MGMT: variants seen among roughly 807,000 people sequenced by gnomAD.
MGMT encodes O-6-methylguanine-DNA methyltransferase, also known as methylated-DNA--protein-cysteine methyltransferase.
Under a neutral mutation model 15.9 loss-of-function variants are expected in MGMT, and 14 were observed. The ratio of observed to expected loss-of-function variants is 0.88; its 90% CI spans 0.58 to 1.37. The LOEUF (loss-of-function observed/expected upper bound fraction) is 1.37. MGMT is among the 40% of genes most tolerant of loss of function. The probability of loss-of-function intolerance (pLI) is 0.00; values close to 1 mark genes in which losing one functional copy is unlikely to be tolerated. For synonymous variants in MGMT, 130 were observed against 118.2 expected (o/e 1.10, Z -0.65); for missense variants, 282 against 268.1 (o/e 1.05, Z -0.36).
chr10:129,470,400 T>G (rs1845216971), intron 1 of MGMT, among the ~76,000 whole-genome samples: 1 of 152,198 alleles, frequency 6.6e-6, no homozygotes, highest in Non-Finnish European at 1.5e-5. Context: ...TTAAAAAAAT[T>G]AACAGTACAG....
intron 1 of MGMT, among the ~76,000 whole-genome samples, chr10:129,509,079 T>C (rs548152352): frequency 4.7e-4 from 71 of 152,346 alleles, no homozygotes; most frequent in Admixed American, 1.0e-3. Context: ...AGTTGCGTCA[T>C]TTCCGGGTGA....
intron 3 of MGMT, among the ~76,000 whole-genome samples, chr10:129,757,700 A>C (rs1589978864): frequency 6.6e-6 from 1 of 152,320 alleles, no homozygotes; most frequent in Admixed American, 6.5e-5. Flanking sequence ...TGATTTCAAA[A>C]CGTTTTCTGA....
intron 3 of MGMT, among the ~76,000 whole-genome samples, chr10:129,743,767 C>T (rs963047973): frequency 1.3e-5 from 2 of 152,230 alleles, no homozygotes; most frequent in African/African-American, 4.8e-5. Context: ...TATTCCATAG[C>T]CGCTGTGTCA....
chr10:129,624,781 G>T (rs997132306), intron 2 of MGMT, among the ~76,000 whole-genome samples: 1 of 152,170 alleles, frequency 6.6e-6, no homozygotes. Context: ...GTGGGAACAT[G>T]GTGTGCAACC....
chr10:129,570,154 G>C (rs991508171), intron 2 of MGMT, among the ~76,000 whole-genome samples: 1 of 152,214 alleles, frequency 6.6e-6, no homozygotes, highest in Non-Finnish European at 1.5e-5. Flanking sequence ...CACTGACATT[G>C]GTCTTATTCT....
At chr10:129,717,255 A>G (rs747590560) in intron 3 of MGMT, among the ~76,000 whole-genome samples, 12 of 152,210 alleles carry the variant, frequency 7.9e-5, no homozygotes, top group Non-Finnish European at 4.4e-5. Flanking sequence ...TCTAATTTGA[A>G]ATCTTTGGGG....
intron 2 of MGMT, among the ~76,000 whole-genome samples, chr10:129,565,045 A>AC (rs1382083622): frequency 2.0e-5 from 3 of 152,212 alleles, no homozygotes; most frequent in African/African-American, 7.2e-5. Flanking sequence ...TGACTTTGCG[A>AC]CACGCACATT....
At chr10:129,569,629 C>T (rs1846394762) in intron 2 of MGMT, among the ~76,000 whole-genome samples, 1 of 152,152 alleles carries the variant, frequency 6.6e-6, no homozygotes, top group Non-Finnish European at 1.5e-5. Context: ...GGGACCATGA[C>T]TGTGGGCCAG....
chr10:129,664,707 T>A (rs1164466448), intron 2 of MGMT, among the ~76,000 whole-genome samples: 1 of 152,062 alleles, frequency 6.6e-6, no homozygotes, highest in Non-Finnish European at 1.5e-5. Flanking sequence ...AGAAGAATGA[T>A]AAGCAGGATG....
At chr10:129,652,068 C>T (rs974221057) in intron 2 of MGMT, among the ~76,000 whole-genome samples, 1 of 152,120 alleles carries the variant, frequency 6.6e-6, no homozygotes, top group East Asian at 1.9e-4. Context: ...TGTCGGAAGC[C>T]GGGGTTTGTG....
chr10:129,599,827 C>T (rs1205413572), intron 2 of MGMT, among the ~76,000 whole-genome samples: 10 of 152,188 alleles, frequency 6.6e-5, no homozygotes, highest in Non-Finnish European at 7.3e-5. Context: ...ACCATCCTTT[C>T]TTCACCAGGG....
chr10:129,622,571 C>G (rs1847102370), intron 2 of MGMT, among the ~76,000 whole-genome samples: 1 of 152,234 alleles, frequency 6.6e-6, no homozygotes, highest in South Asian at 2.1e-4. Context: ...GTATGGTTAA[C>G]TATCAGCAGA....
At chr10:129,615,083 G>A (rs1847007776) in intron 2 of MGMT, among the ~76,000 whole-genome samples, 1 of 152,152 alleles carries the variant, frequency 6.6e-6, no homozygotes, top group Non-Finnish European at 1.5e-5. Flanking sequence ...AGAAAAGGGG[G>A]AAAATGGTTG....
chr10:129,743,884 T>C (rs1230001964), intron 3 of MGMT, among the ~76,000 whole-genome samples: 1 of 152,232 alleles, frequency 6.6e-6, no homozygotes, highest in African/African-American at 2.4e-5. Context: ...CAGTTGGGCT[T>C]GACTCTGGAG....
At chr10:129,535,962 G>C (rs764863406) in intron 1 of MGMT, among the ~76,000 whole-genome samples, 2 of 152,146 alleles carry the variant, frequency 1.3e-5, no homozygotes, top group African/African-American at 4.8e-5. Context: ...AGCTTCCTTC[G>C]GTGTTGCGTT....
chr10:129,580,645 CT>C lies in MGMT; in HGVS notation c.125+44269del, dbSNP rs1846541439. 3.3e-5 allele frequency among the ~76,000 whole-genome samples: 5 copies of C among 152,344 alleles called. No homozygotes were observed. In the South Asian group the frequency reaches 1.0e-3, roughly 32 times the overall value. ...GAGCCTGGGCTTCTGTCTCTAACCA[CT>C]AGCTACAAAAGGATGCTGGACAGAC... On this transcript the variant is annotated intron_variant, in intron 2 of 4. Coordinates refer to ENST00000651593, the MANE Select transcript of MGMT (RefSeq NM_002412.5).
chr10:129,711,718 C>T (rs534795957), intron 3 of MGMT, among the ~76,000 whole-genome samples: 8 of 151,924 alleles, frequency 5.3e-5, no homozygotes, highest in African/African-American at 4.8e-5. Flanking sequence ...ACTGTGTGAC[C>T]GAGGGCTAGC....
rs565487389 is a variant in MGMT at position 129,767,061 on chromosome 10, G to C, written c.*64G>C. ...TGTAACACTGCATCGGATGCGGGGC[G>C]TGGAGGCACCGCTGTATTAAAGGAA... On this transcript the variant is annotated 3_prime_UTR_variant, in exon 5 of 5. Coordinates refer to ENST00000651593, the MANE Select transcript of MGMT (RefSeq NM_002412.5). 8 of 1,329,298 alleles carry C rather than the reference G, an allele frequency of 6.0e-6. No homozygotes were observed. Among genetic ancestry groups the C allele is most frequent in the African/African-American group, 1.5e-5 (1 of 68,914 alleles). 82.3% of individuals were successfully genotyped at this position (1,329,298 alleles called of 1,614,324 possible).
In MGMT at chr10:129,766,770, T is replaced by C. The variant is rs376658894; in HGVS notation, c.415-18T>C. ...GTCCAGATCCCTGACTGACAGTGGC[T>C]GCCCCCCTGTCTTCCAGGTCCCCAT... On this transcript the variant is annotated intron_variant, in intron 4 of 4. Coordinates refer to ENST00000651593, the MANE Select transcript of MGMT (RefSeq NM_002412.5). 4 of 1,603,956 alleles carry C rather than the reference T, an allele frequency of 2.5e-6. No individual in the cohort carries two copies. Among genetic ancestry groups the C allele is most frequent in the African/African-American group, 1.3e-5 (1 of 74,754 alleles).
Sources: gnomAD v4.1 joint callset for allele counts (sites outside exome capture counted in the v4.1 genomes callset) on GRCh38, gnomAD v4.1.1 for gene constraint, MANE v1.5 for transcripts, NCBI Gene and HGNC (gene_info 2026-07-23, HGNC 2026-07-21) for gene names.